Variants in ADGRL2 observed in about 807,000 individuals in gnomAD.
The protein encoded by ADGRL2 is adhesion G protein-coupled receptor L2.
A neutral mutation model predicts 157.4 loss-of-function variants in ADGRL2; 44 were observed. The ratio of observed to expected loss-of-function variants is 0.28; its 90% CI spans 0.22 to 0.36. ADGRL2 has a LOEUF of 0.36. Ranked by LOEUF, ADGRL2 falls within the 10% of genes least tolerant of loss-of-function variation. The pLI, the probability that ADGRL2 is intolerant of heterozygous loss-of-function variation, is 1.00. For missense variants in ADGRL2, 1,510 were observed against 1,768.9 expected (o/e 0.85, Z 2.63); for synonymous variants, 585 against 624.7 (o/e 0.94, Z 0.95).
At chr1:81,845,263 G>A (rs1248758968) in intron 2 of ADGRL2, among the ~76,000 whole-genome samples, 1 of 151,714 alleles carries the variant, frequency 6.6e-6, no homozygotes, top group Admixed American at 6.6e-5. Flanking sequence ...TTTTCTACTT[G>A]CCAGCCATTT....
intron 1 of ADGRL2, among the ~76,000 whole-genome samples, chr1:81,820,905 TA>T (rs920255208): frequency 5.3e-5 from 8 of 152,176 alleles, no homozygotes; most frequent in Admixed American, 3.3e-4. Flanking sequence ...CCATGGCCTA[TA>T]ATCCCTGCCC....
chr1:81,934,841 G>C (rs115364811), intron 3 of ADGRL2, among the ~76,000 whole-genome samples: 2 of 151,956 alleles, frequency 1.3e-5, no homozygotes, highest in Non-Finnish European at 2.9e-5. Flanking sequence ...TTTCTGAGAG[G>C]TGTAAGGGTG....
intron 1 of ADGRL2, among the ~76,000 whole-genome samples, chr1:81,727,404 A>T (rs1463688449): frequency 6.6e-6 from 1 of 152,162 alleles, no homozygotes; most frequent in African/African-American, 2.4e-5. Context: ...TATTTGTATA[A>T]GGATGAGAAC....
intron 1 of ADGRL2, among the ~76,000 whole-genome samples, chr1:81,350,636 G>A (rs1662813227): frequency 6.6e-6 from 1 of 152,172 alleles, no homozygotes; most frequent in Admixed American, 6.5e-5. Context: ...TAGAAACATA[G>A]TCTACCAACG....
At chr1:81,789,803 A>C (rs1267283052) in intron 2 of ADGRL2, among the ~76,000 whole-genome samples, 1 of 151,862 alleles carries the variant, frequency 6.6e-6, no homozygotes, top group Admixed American at 6.6e-5. Flanking sequence ...TTTTTTGGAC[A>C]TTTCTATTAG....
intron 2 of ADGRL2, among the ~76,000 whole-genome samples, chr1:81,788,951 C>T (rs559028177): frequency 5.9e-5 from 9 of 152,254 alleles, no homozygotes; most frequent in Non-Finnish European, 1.2e-4. Context: ...CTCCTGACCT[C>T]GTGATCCACC....
chr1:81,864,965 A>G (rs980151874), intron 2 of ADGRL2, among the ~76,000 whole-genome samples: 3 of 152,148 alleles, frequency 2.0e-5, no homozygotes, highest in Non-Finnish European at 4.4e-5. Flanking sequence ...TAGCTTGGGC[A>G]ATAGAACAAG....
intron 21 of ADGRL2, among the ~76,000 whole-genome samples, chr1:81,986,607 C>T (rs990459773): frequency 1.3e-5 from 2 of 151,962 alleles, no homozygotes; most frequent in African/African-American, 2.4e-5. Flanking sequence ...CATTTAATTG[C>T]CATTTTTGTT....
intron 2 of ADGRL2, among the ~76,000 whole-genome samples, chr1:81,775,163 T>TGGG (rs1208621462): frequency 6.6e-6 from 1 of 152,152 alleles, no homozygotes; most frequent in Admixed American, 6.5e-5. Flanking sequence ...TGGTCCCCCA[T>TGGG]ATTATAAGCT....
intron 3 of ADGRL2, among the ~76,000 whole-genome samples, chr1:81,586,575 G>A (rs933695274): frequency 6.6e-6 from 1 of 151,976 alleles, no homozygotes; most frequent in Non-Finnish European, 1.5e-5. Context: ...TCCCTTAGGT[G>A]AGATTCACAA....
intron 1 of ADGRL2, among the ~76,000 whole-genome samples, chr1:81,430,997 A>C (rs2077309737): frequency 6.6e-6 from 1 of 152,222 alleles, no homozygotes; most frequent in Admixed American, 6.5e-5. Flanking sequence ...CTTTAACATA[A>C]AAAAGGAGTA....
chr1:81,436,565 G>T (rs193205999), intron 1 of ADGRL2, among the ~76,000 whole-genome samples: 1 of 152,300 alleles, frequency 6.6e-6, no homozygotes, highest in African/African-American at 2.4e-5. Flanking sequence ...GCCTAGTCTG[G>T]TTATGTATTA....
At chr1:81,778,318 T>C (rs2086676518) in intron 2 of ADGRL2, among the ~76,000 whole-genome samples, 1 of 82,272 alleles carries the variant, frequency 1.2e-5, no homozygotes, top group African/African-American at 5.7e-5. Context: ...CGAGACTCCG[T>C]CTCAAAAAAA....
intron 2 of ADGRL2, among the ~76,000 whole-genome samples, chr1:81,578,223 A>G (rs2148525465): frequency 6.6e-6 from 1 of 152,326 alleles, no homozygotes. Context: ...TGTCAGAAAG[A>G]GGAAGGAAAA....
intron 3 of ADGRL2, among the ~76,000 whole-genome samples, chr1:81,645,135 A>G (rs1055762936): frequency 6.6e-6 from 1 of 152,114 alleles, no homozygotes; most frequent in African/African-American, 2.4e-5. Context: ...CATGCCTACA[A>G]TCCCAGCACT....
intron 1 of ADGRL2, chr1:81,427,084 C>T (rs2077230813): frequency 1.4e-6 from 2 of 1,458,100 alleles, no homozygotes; most frequent in Admixed American, 1.7e-5. Flanking sequence ...GTGAAAAGGC[C>T]CTTTCTAAAC....
rs537987165 is a variant in ADGRL2 at position 81,735,627 on chromosome 1, T to C, written c.-142-26184T>C. ...CAACATGGTGAAACCCCATCTTTAC[T>C]AAAAATACAAAAATTAGCCCAGCAT... On this transcript the variant is annotated intron_variant, in intron 1 of 20. Coordinates refer to the ADGRL2 transcript ENST00000359929. Among the ~76,000 whole-genome samples, 4 of 151,004 alleles carry C rather than the reference T, an allele frequency of 2.6e-5. No homozygotes were observed. The East Asian group carries it at 8.0e-4, about 30-fold the overall frequency.
At chr1:81,848,546 C>T (rs549406111) in intron 2 of ADGRL2, among the ~76,000 whole-genome samples, 1 of 151,912 alleles carries the variant, frequency 6.6e-6, no homozygotes, top group South Asian at 2.1e-4. Context: ...TTAAAGTATA[C>T]TTTATATTGC....
At chr1:81,906,141 A>G (rs550972153) in intron 2 of ADGRL2, among the ~76,000 whole-genome samples, 10 of 152,282 alleles carry the variant, frequency 6.6e-5, no homozygotes, top group Non-Finnish European at 1.3e-4. Context: ...TCCATATACT[A>G]TAAACCTTGT....
Sources: gnomAD v4.1 joint callset for allele counts (sites outside exome capture counted in the v4.1 genomes callset) on GRCh38, gnomAD v4.1.1 for gene constraint, MANE v1.5 for transcripts, NCBI Gene and HGNC (gene_info 2026-07-23, HGNC 2026-07-21) for gene names.